The following CABP1 variants were observed in gnomAD, a reference collection of about 807,000 sequenced individuals.
CABP1 encodes calcium binding protein 1.
In CABP1, 17 loss-of-function variants were observed where a neutral mutation model predicts 34.3. The ratio of observed to expected loss-of-function variants is 0.50; its 90% CI spans 0.34 to 0.74. The LOEUF (loss-of-function observed/expected upper bound fraction) is 0.74. CABP1 is among the 30% of genes least tolerant of loss of function. The pLI, the probability that CABP1 is intolerant of heterozygous loss-of-function variation, is 0.01. For missense variants in CABP1, 373 were observed against 511.1 expected, an observed-to-expected ratio of 0.73 and a Z score of 2.61; for synonymous variants, 198 against 229.2, an observed-to-expected ratio of 0.86 and a Z score of 1.23.
chr12:120,671,516 A>G (rs1881251357), downstream of CABP1, among the ~76,000 whole-genome samples: 1 of 152,248 alleles, frequency 6.6e-6, no homozygotes, highest in Non-Finnish European at 1.5e-5. Flanking sequence ...AGAGAGGAGC[A>G]GAGAGAGGTG....
downstream of CABP1, among the ~76,000 whole-genome samples, chr12:120,672,305 A>C (rs150604845): frequency 2.6e-5 from 4 of 152,138 alleles, no homozygotes; most frequent in Non-Finnish European, 5.9e-5. Context: ...TACAGGTCAA[A>C]TGGCTCATAT....
chr12:120,673,381 G>A, the CABP1 span, among the ~76,000 whole-genome samples: 1 of 152,048 alleles, frequency 6.6e-6, no homozygotes, highest in Admixed American at 6.5e-5. Flanking sequence ...TCAGGAGATC[G>A]AGACCATCCT....
chr12:120,671,791 G>A (rs531213761), downstream of CABP1, among the ~76,000 whole-genome samples: 58 of 152,356 alleles, frequency 3.8e-4, no homozygotes, highest in African/African-American at 1.4e-3. Context: ...GCTAGGCTGG[G>A]TGCAGTGGAT....
At chr12:120,658,338 T>C (rs1880384549) in intron 1 of CABP1, among the ~76,000 whole-genome samples, 1 of 152,032 alleles carries the variant, frequency 6.6e-6, no homozygotes, top group African/African-American at 2.4e-5. Flanking sequence ...CTTCAAGTGA[T>C]CCCCTCGCCT....
intron 1 of CABP1, among the ~76,000 whole-genome samples, chr12:120,658,531 C>T (rs1003853802): frequency 9.2e-5 from 14 of 152,194 alleles, no homozygotes; most frequent in African/African-American, 3.4e-4. Flanking sequence ...ACACTCTCAA[C>T]GCTGTCCTGC....
rs1369007108 is a variant in CABP1, at chr12:120,640,916, G to T, written c.231G>T (p.Ala77=). The change falls in exon 1 of 6, where the codon GCG becomes GCT. Residue 77 remains alanine, a synonymous_variant. Transcript: ENST00000316803. This position sits in a 1 kb window ranked among gnomAD's most constrained non-coding sequence, Gnocchi z 6.2. ...CGTCGCTGCTGAAGGCGGCGGCGGC[G>T]GCGGCGAGCGGGGGCAGCCGGGCTC... ...SKTSLLKAAA[A]AASGGSRAPR... The T allele has an allele frequency of 2.7e-6, 3 of 1,107,844 alleles. No homozygotes were observed. The highest frequency in any genetic ancestry group is 3.3e-6 in the Non-Finnish European group (3 of 909,518). The allele number at this position is 1,107,844 out of a possible 1,614,324, so 68.6% of individuals were successfully genotyped here.
chr12:120,670,062 G>C (rs1881199306), downstream of CABP1, among the ~76,000 whole-genome samples: 1 of 152,074 alleles, frequency 6.6e-6, no homozygotes, highest in Non-Finnish European at 1.5e-5. Flanking sequence ...GAGTGCAGTG[G>C]TGGGATCATA....
the CABP1 span, among the ~76,000 whole-genome samples, chr12:120,678,655 G>T: frequency 6.6e-6 from 1 of 152,140 alleles, no homozygotes; most frequent in Admixed American, 6.5e-5. Flanking sequence ...CTTTCCAAGG[G>T]CCACACAGCT....
chr12:120,677,375 A>G, the CABP1 span, among the ~76,000 whole-genome samples: 2 of 143,456 alleles, frequency 1.4e-5, no homozygotes, highest in African/African-American at 5.2e-5. Context: ...GGCATGAGCC[A>G]CTATGCCCAG....
intron 1 of CABP1, chr12:120,650,355 C>T: frequency 1.3e-6 from 1 of 745,674 alleles, no homozygotes; most frequent in Non-Finnish European, 2.0e-6. Flanking sequence ...GTGCCCTGCA[C>T]TCTCCCCTTC....
chr12:120,664,297 C>T (rs921356830), intron 5 of CABP1, among the ~76,000 whole-genome samples: 2 of 152,014 alleles, frequency 1.3e-5, no homozygotes, highest in African/African-American at 2.4e-5. Flanking sequence ...ATAGAGGGGG[C>T]GCCTGTGCCA....
the CABP1 span, among the ~76,000 whole-genome samples, chr12:120,676,363 C>A: frequency 6.6e-6 from 1 of 152,246 alleles, no homozygotes; most frequent in Admixed American, 6.5e-5. Context: ...GGACTCGTTA[C>A]CTCCCCAATG....
At chr12:120,654,141 G>C (rs1880019436) in intron 1 of CABP1, among the ~76,000 whole-genome samples, 1 of 152,180 alleles carries the variant, frequency 6.6e-6, no homozygotes, top group Non-Finnish European at 1.5e-5. Flanking sequence ...AAACCAGGAG[G>C]GGCTCTTGGC....
chr12:120,660,625 T>A lies in CABP1; in HGVS notation c.830-106T>A. ...CTCTTGTTATTATTAAGTTTGTCTC[T>A]ATCTGATGAGCAGGTCAAGGAGGGG... is the stretch of plus-strand genomic sequence containing the variant. On this transcript the variant is annotated intron_variant, in intron 3 of 5. Transcript: ENST00000316803. This position sits in a 1 kb window ranked among gnomAD's most constrained non-coding sequence, Gnocchi z 5.0. 1.2e-6 allele frequency: 1 copy of A among 809,068 alleles called. No individual in the cohort carries two copies. The highest frequency in any genetic ancestry group is 2.4e-5 in the East Asian group (1 of 41,076). The allele number at this position is 809,068 out of a possible 1,614,324, so 50.1% of individuals were successfully genotyped here. A position where few individuals can be genotyped will look rare whatever the true frequency, so the allele number is the denominator to read the frequency against.
At chr12:120,651,083 G>C (rs522632) in intron 1 of CABP1, among the ~76,000 whole-genome samples, 53,509 of 152,012 alleles carry the variant, frequency 0.35, 10,412 homozygotes, top group Non-Finnish European at 0.44. Flanking sequence ...GCAGGGACTC[G>C]TTCATATCCT....
chr12:120,675,539 A>C, the CABP1 span, among the ~76,000 whole-genome samples: 1 of 152,174 alleles, frequency 6.6e-6, no homozygotes, highest in Non-Finnish European at 1.5e-5. Flanking sequence ...GTTGAACTTA[A>C]ATGTCTTTTT....
chr12:120,646,843 G>A (rs1055480240), intron 1 of CABP1, among the ~76,000 whole-genome samples: 1 of 152,154 alleles, frequency 6.6e-6, no homozygotes, highest in African/African-American at 2.4e-5. Flanking sequence ...CCTACTGAAG[G>A]CTGAGCCCTC....
At chr12:120,647,560 C>CTTTTTTTTTT (rs10557275) in intron 1 of CABP1, among the ~76,000 whole-genome samples, 2 of 75,660 alleles carry the variant, frequency 2.6e-5, no homozygotes, top group Non-Finnish European at 4.6e-5. Flanking sequence ...CAGTCCAAGC[C>CTTTTTTTTTT]TTTTTTTTTT....
At chr12:120,680,425 G>A in the CABP1 span, among the ~76,000 whole-genome samples, 1 of 152,184 alleles carries the variant, frequency 6.6e-6, no homozygotes, top group Non-Finnish European at 1.5e-5. Flanking sequence ...ACGAGGGCAA[G>A]TCCTCCATCC....
Sources: gnomAD v4.1 joint callset for allele counts (sites outside exome capture counted in the v4.1 genomes callset) on GRCh38, gnomAD v4.1.1 for gene constraint, Gnocchi (gnomAD v3.1) non-coding constraint, MANE v1.5 for transcripts, NCBI Gene and HGNC (gene_info 2026-07-23, HGNC 2026-07-21) for gene names.